TPD52L2: variants seen among roughly 807,000 people sequenced by gnomAD.
The protein encoded by TPD52L2 is tumor protein D54.
In TPD52L2, 19 loss-of-function variants were observed where a neutral mutation model predicts 24.7. That is an observed-to-expected ratio of 0.77 (90% confidence interval 0.54 to 1.13). TPD52L2 has a LOEUF of 1.13. Ranked by LOEUF, TPD52L2 falls within the 50% of genes most tolerant of loss-of-function variation. The probability of loss-of-function intolerance (pLI) is 0.00; values close to 1 mark genes in which losing one functional copy is unlikely to be tolerated. For missense variants in TPD52L2, 236 were observed against 250.4 expected (o/e 0.94, Z 0.39); for synonymous variants, 104 against 100.2 (o/e 1.04, Z -0.23).
At position 63,873,657 on chromosome 20, in the gene TPD52L2, A is replaced by G. The variant is rs2052550503; in HGVS notation, c.166-11A>G. 1.2e-6 allele frequency: 2 copies of G among 1,611,006 alleles called. No individual in the cohort carries two copies. Among genetic ancestry groups the G allele is most frequent in the Non-Finnish European group, 8.5e-7 (1 of 1,178,884 alleles). On this transcript the variant is annotated splice_polypyrimidine_tract_variant and intron_variant, in intron 2 of 6. Coordinates refer to ENST00000346249, the MANE Select transcript of TPD52L2 (RefSeq NM_003288.4). ...AGTGATGGCTCATCATGTCAACTGC[A>G]TGCTTTGCAGGTGGAAGAGGAAATT...
rs2052172475 is a variant in TPD52L2, at chr20:63,865,377, C to A, written c.12C>A (p.Ala4=). ...GACGCCGCCCGAACATGGACTCCGCCGGCCAAGGTACCTGCCGGGCCCGGC... is the reference window on the plus strand; with the variant it reads ...GACGCCGCCCGAACATGGACTCCGCAGGCCAAGGTACCTGCCGGGCCCGGC... MDS[A]GQDINLNSPN... The change falls in exon 1 of 7, where the codon GCC becomes GCA. Residue 4 remains alanine (A), a synonymous_variant. Coordinates refer to ENST00000346249, the MANE Select transcript of TPD52L2 (RefSeq NM_003288.4). The A allele has an allele frequency of 1.3e-6, 2 of 1,530,222 alleles. No homozygotes were observed. The highest frequency in any genetic ancestry group is 1.7e-6 in the Non-Finnish European group (2 of 1,144,098). The allele number at this position is 1,530,222 out of a possible 1,614,324, so 94.8% of individuals were successfully genotyped here.
At chr20:63,869,794 A>G (rs1364143169) in intron 2 of TPD52L2, among the ~76,000 whole-genome samples, 1 of 152,200 alleles carries the variant, frequency 6.6e-6, no homozygotes, top group Non-Finnish European at 1.5e-5. Context: ...AGACCCCATG[A>G]ATCTTTCTTG....
At position 63,889,728 on chromosome 20, in the gene TPD52L2, C is replaced by G. The variant is rs1446455005; in HGVS notation, c.526-122C>G. Reference sequence around the variant, plus strand: ...TGCCCGTCCGTGATTTGCTCCCTGTCCCTGCTGAGCAGTGTTCGTGTTACA... The same window carrying G: ...TGCCCGTCCGTGATTTGCTCCCTGTGCCTGCTGAGCAGTGTTCGTGTTACA... On this transcript the variant is annotated intron_variant, in intron 6 of 6. Transcript: ENST00000346249. 3 of 919,348 alleles carry G rather than the reference C, an allele frequency of 3.3e-6. No homozygotes were observed. In the African/African-American group the frequency reaches 5.0e-5, roughly 15 times the overall value. 56.9% of individuals were successfully genotyped at this position (919,348 alleles called of 1,614,324 possible). A position where few individuals can be genotyped will look rare whatever the true frequency, so the allele number is the denominator to read the frequency against.
chr20:63,887,313 C>T, intron 5 of TPD52L2: 1 of 608,880 alleles, frequency 1.6e-6, no homozygotes, highest in Admixed American at 2.8e-5. Context: ...CTCCTCACAG[C>T]TTCCTATGGC....
intron 2 of TPD52L2, among the ~76,000 whole-genome samples, chr20:63,872,042 C>CTTTT (rs34989051): frequency 1.9e-5 from 2 of 106,924 alleles, no homozygotes; most frequent in African/African-American, 3.5e-5. Flanking sequence ...AGGTCATGTT[C>CTTTT]TTTTTTTTTT....
intron 5 of TPD52L2, 105 bp downstream of exon 5, chr20:63,882,925 C>A: frequency 2.4e-6 from 2 of 835,666 alleles, no homozygotes; most frequent in Non-Finnish European, 3.7e-6. Context: ...CTCAGATGCA[C>A]TGGCTCAGGG....
chr20:63,882,625 T>C, intron 4 of TPD52L2, 94 bp from the exon 5 acceptor site: 2 of 1,019,154 alleles, frequency 2.0e-6, no homozygotes, highest in African/African-American at 1.6e-5. Flanking sequence ...CTTTCCTCAG[T>C]TTTCCTCGGG....
At chr20:63,882,954 G>T in intron 5 of TPD52L2, 134 bp downstream of exon 5, 1 of 670,334 alleles carries the variant, frequency 1.5e-6, no homozygotes, top group Non-Finnish European at 2.5e-6. Context: ...ATCCATCATG[G>T]CCCCGACCAG....
chr20:63,882,630 C>T, intron 4 of TPD52L2, 89 bp from the exon 5 acceptor site: 2 of 1,061,256 alleles, frequency 1.9e-6, no homozygotes, highest in South Asian at 1.3e-5. Context: ...CTCAGTTTTC[C>T]TCGGGCGTGC....
intron 2 of TPD52L2, among the ~76,000 whole-genome samples, chr20:63,869,776 C>T (rs918318120): frequency 3.9e-5 from 6 of 152,226 alleles, no homozygotes; most frequent in Admixed American, 3.3e-4. Flanking sequence ...ACTTGATAAT[C>T]ATTTTTAAGA....
intron 4 of TPD52L2, chr20:63,876,548 C>T (rs1166372255): frequency 5.6e-6 from 2 of 355,492 alleles, no homozygotes; most frequent in East Asian, 7.4e-5. Flanking sequence ...ATTATAACGT[C>T]TTTAAACTGA....
At chr20:63,872,707 G>T (rs1308145170) in intron 2 of TPD52L2, among the ~76,000 whole-genome samples, 1 of 143,532 alleles carries the variant, frequency 7.0e-6, no homozygotes. Flanking sequence ...TGTTGTTGTT[G>T]TTTTGTTTTG....
In TPD52L2 at chr20:63,873,789, G is replaced by A. The variant is rs1422570315; in HGVS notation, c.287G>A (p.Ser96Asn). 1.3e-6 allele frequency: 2 copies of A among 1,581,146 alleles called. No individual in the cohort carries two copies. Among genetic ancestry groups the A allele is most frequent in the Non-Finnish European group, 1.7e-6 (2 of 1,166,854 alleles). Residue 96 changes from serine (S) to asparagine (N), a missense_variant, in exon 3 of 7, where the codon AGC becomes AAC. By Grantham distance (46) the Ser-to-Asn change is conservative. Transcript: ENST00000346249. The part of the protein sequence containing the change: ...LGELKQNLSR[S>N]WHDVQVSSAY... Reference sequence around the variant, plus strand: ...GAGCTGAAACAGAACCTGTCCAGGAGCTGGCATGACGTGCAGGTCTCTAGC... The same window carrying A: ...GAGCTGAAACAGAACCTGTCCAGGAACTGGCATGACGTGCAGGTCTCTAGC...
At chr20:63,888,568 T>C (rs2053217216) in intron 5 of TPD52L2, 1 of 132,672 alleles carries the variant, frequency 7.5e-6, no homozygotes, top group African/African-American at 3.0e-5. Context: ...GGTATCCCTG[T>C]AGGGGACAGC....
intron 5 of TPD52L2, chr20:63,886,095 G>C: frequency 3.1e-6 from 5 of 1,588,954 alleles, no homozygotes; most frequent in Non-Finnish European, 4.3e-6. Context: ...AATTGGGGCA[G>C]GGTGGACTCC....
At chr20:63,871,638 G>GT (rs71333723) in intron 2 of TPD52L2, among the ~76,000 whole-genome samples, 1,558 of 132,822 alleles carry the variant, frequency 0.012, 8 homozygotes, top group South Asian at 0.015. Context: ...GCAAGAAAGA[G>GT]TTTTTTTTTT....
intron 4 of TPD52L2, among the ~76,000 whole-genome samples, chr20:63,878,058 T>C (rs1262777266): frequency 6.6e-6 from 1 of 152,272 alleles, no homozygotes; most frequent in African/African-American, 2.4e-5. Context: ...TGGCGCGTGC[T>C]CTTCCTGGCT....
chr20:63,885,145 G>A (rs1406363123), intron 5 of TPD52L2, among the ~76,000 whole-genome samples: 3 of 152,224 alleles, frequency 2.0e-5, no homozygotes, highest in African/African-American at 7.2e-5. Flanking sequence ...CTAACTCTTG[G>A]GCGGAAGCCC....
At chr20:63,886,382 A>G (rs1346557199) in intron 5 of TPD52L2, among the ~76,000 whole-genome samples, 6 of 148,162 alleles carry the variant, frequency 4.0e-5, no homozygotes, top group Admixed American at 6.7e-5. Flanking sequence ...TTTTTTTTAG[A>G]CGGAGTCTTG....
Sources: gnomAD v4.1 joint callset for allele counts (sites outside exome capture counted in the v4.1 genomes callset) on GRCh38, gnomAD v4.1.1 for gene constraint, MANE v1.5 for transcripts, NCBI Gene and HGNC (gene_info 2026-07-23, HGNC 2026-07-21) for gene names.